The following NFAT5 variants were observed in gnomAD, a reference collection of about 807,000 sequenced individuals.
NFAT5 encodes nuclear factor of activated T-cells 5.
In NFAT5, 31 loss-of-function variants were observed where a neutral mutation model predicts 166.5. The observed-to-expected ratio is 0.19, with a 90% CI of 0.14 to 0.25. The LOEUF (loss-of-function observed/expected upper bound fraction) is 0.25, where lower values mean the gene tolerates loss of function less well. Among genes scored for constraint, NFAT5 ranks in the 10% least tolerant of loss-of-function variants. The pLI is 1.00. For missense variants in NFAT5, 1,449 were observed against 1,821.8 expected (o/e 0.80, Z 3.72); for synonymous variants, 612 against 639.7 (o/e 0.96, Z 0.65).
In NFAT5 at chr16:69,647,132, G is replaced by T. The variant is rs777969990; in HGVS notation, c.358G>T (p.Ala120Ser). 2 of 1,613,904 alleles carry T rather than the reference G, an allele frequency of 1.2e-6. No individual in the cohort carries two copies. Among genetic ancestry groups the T allele is most frequent in the East Asian group, 4.5e-5 (2 of 44,892 alleles). Residue 120 changes from alanine (A) to serine (S), a missense_variant, in exon 4 of 15, where the codon GCT becomes TCT. Ala to Ser is a moderately conservative substitution (Grantham distance 99). Coordinates refer to ENST00000349945, the MANE Select transcript of NFAT5 (RefSeq NM_138713.4). This position sits in a 1 kb window ranked among gnomAD's most constrained non-coding sequence, Gnocchi z 4.8. The stretch of plus-strand genomic sequence containing the variant: ...TTCTACCTCAGTCACCGACAGCAAG[G>T]CTATGCAAGTGGAGAGCTGCTCCTC... ...IYSTSVTDSK[A>S]MQVESCSSAV...
intron 2 of NFAT5, among the ~76,000 whole-genome samples, chr16:69,579,389 T>C (rs1454360277): frequency 2.0e-5 from 3 of 152,182 alleles, no homozygotes; most frequent in Admixed American, 6.5e-5. Flanking sequence ...TGAGAATTTA[T>C]ATGTAATATT....
At chr16:69,637,488 TACAGTTCC>T (rs2035017646) in intron 3 of NFAT5, among the ~76,000 whole-genome samples, 1 of 152,178 alleles carries the variant, frequency 6.6e-6, no homozygotes, top group Non-Finnish European at 1.5e-5. Context: ...CATTTGGACT[TACAGTTCC>T]ACATGGCTGG....
chr16:69,644,930 T>C (rs1224216851), intron 3 of NFAT5: 1 of 436,358 alleles, frequency 2.3e-6, no homozygotes, highest in African/African-American at 2.0e-5. Flanking sequence ...ACTGCAAATA[T>C]TGCATGCTGC....
chr16:69,686,822 C>T (rs2037325259), intron 11 of NFAT5, among the ~76,000 whole-genome samples: 1 of 152,122 alleles, frequency 6.6e-6, no homozygotes, highest in Non-Finnish European at 1.5e-5. Flanking sequence ...GAGATCATGC[C>T]ACTGCACTTC....
Position 69,653,436 on chromosome 16 carries a change from C to A in NFAT5, c.1005+8C>A. Reference sequence around the variant, plus strand: ...GGCTTTCCTACAGTAAAGGTATTTACTTTATTTATCATTTGAATTTTAGTT... The same window carrying A: ...GGCTTTCCTACAGTAAAGGTATTTAATTTATTTATCATTTGAATTTTAGTT... On this transcript the variant is annotated splice_region_variant and intron_variant, in intron 5 of 14. Coordinates refer to ENST00000349945, the MANE Select transcript of NFAT5 (RefSeq NM_138713.4). 1 of 1,466,816 alleles carries A rather than the reference C, an allele frequency of 6.8e-7. No individual in the cohort carries two copies. The highest frequency in any genetic ancestry group is 1.4e-5 in the South Asian group (1 of 69,980). The allele number at this position is 1,466,816 out of a possible 1,614,324, so 90.9% of individuals were successfully genotyped here.
intron 2 of NFAT5, among the ~76,000 whole-genome samples, chr16:69,598,369 C>T (rs928264321): frequency 3.2e-4 from 46 of 145,194 alleles, no homozygotes; most frequent in African/African-American, 1.2e-3. Context: ...CAGAGCGAGA[C>T]CCTGTCTCTT....
At chr16:69,649,237 A>G (rs2035571918) in intron 4 of NFAT5, 1 of 954,820 alleles carries the variant, frequency 1.0e-6, no homozygotes, top group Non-Finnish European at 1.2e-6. Context: ...TTAATTACAT[A>G]TGTGTGTTTA....
At chr16:69,696,312 A>G (rs2037765468) in intron 14 of NFAT5, 48 bp from the exon 15 acceptor site, 1 of 152,296 alleles carries the variant, frequency 6.6e-6, no homozygotes, top group Non-Finnish European at 1.5e-5. Flanking sequence ...AAACTTTATA[A>G]ATGCTTCCCT....
chr16:69,655,556 T>C (rs1220734002), intron 5 of NFAT5, 53 bp from the exon 6 acceptor site: 7 of 1,333,478 alleles, frequency 5.2e-6, no homozygotes, highest in Non-Finnish European at 7.0e-6. Context: ...ATTTTATAAT[T>C]AGATTATTTG....
Position 69,566,215 on chromosome 16 carries a change from G to C in NFAT5, c.-87G>C. 1.6e-6 allele frequency: 2 copies of C among 1,285,540 alleles called. No homozygotes were observed. The highest frequency in any genetic ancestry group is 1.1e-6 in the Non-Finnish European group (1 of 919,110). 79.6% of individuals were successfully genotyped at this position (1,285,540 alleles called of 1,614,324 possible). A position where few individuals can be genotyped will look rare whatever the true frequency, so the allele number is the denominator to read the frequency against. On this transcript the variant is annotated 5_prime_UTR_variant, in exon 1 of 15. Transcript: ENST00000349945. The surrounding 1 kb of genome is among the most constrained non-coding windows in gnomAD (Gnocchi z 5.7). ...GCCCTCGCGTCGCCGCCCCCGGTTC[G>C]GTGCCCGCGGTCCCGGAGAGGAGGT...
chr16:69,611,830 T>C (rs1038437314), intron 2 of NFAT5, among the ~76,000 whole-genome samples: 1 of 152,182 alleles, frequency 6.6e-6, no homozygotes, highest in African/African-American at 2.4e-5. Flanking sequence ...ACTCAGACTA[T>C]AGCACCAGAC....
At chr16:69,667,978 T>C (rs1006269674) in intron 7 of NFAT5, among the ~76,000 whole-genome samples, 1 of 152,166 alleles carries the variant, frequency 6.6e-6, no homozygotes, top group Non-Finnish European at 1.5e-5. Flanking sequence ...TGTTTGTTTC[T>C]TTTTTTAGAC....
intron 4 of NFAT5, among the ~76,000 whole-genome samples, chr16:69,652,888 G>A (rs1340288317): frequency 6.6e-6 from 1 of 152,086 alleles, no homozygotes; most frequent in Non-Finnish European, 1.5e-5. Context: ...TTTGACTGAA[G>A]TACAATGTTA....
chr16:69,598,364 C>T (rs981086961), intron 2 of NFAT5, among the ~76,000 whole-genome samples: 1 of 136,016 alleles, frequency 7.4e-6, no homozygotes, highest in Admixed American at 8.1e-5. Context: ...GGTGACAGAG[C>T]GAGACCCTGT....
chr16:69,685,147 T>C (rs2037235774), intron 11 of NFAT5, 177 bp downstream of exon 11: 2 of 254,350 alleles, frequency 7.9e-6, no homozygotes, highest in African/African-American at 2.3e-5. Flanking sequence ...TCCAATTTGA[T>C]ATTTTTCTTG....
chr16:69,640,561 A>C (rs2035160710), intron 3 of NFAT5, among the ~76,000 whole-genome samples: 1 of 152,206 alleles, frequency 6.6e-6, no homozygotes. Flanking sequence ...CTTTAATCTG[A>C]AAATATGTCC....
chr16:69,646,646 T>C (rs2035449575), intron 3 of NFAT5: 3 of 541,916 alleles, frequency 5.5e-6, no homozygotes, highest in Non-Finnish European at 8.0e-6. Context: ...TAATGAATTA[T>C]TTAATTGGCA....
Position 69,689,593 on chromosome 16 carries a change from C to T in NFAT5, c.1775-1347C>T, listed in dbSNP as rs192779082. ...CAGTCTTGCTCCGTTGCCCAGCCTG[C>T]AGTACAGTAGAGCGATCTCAGCTCA... On this transcript the variant is annotated intron_variant, in intron 11 of 14. Transcript: ENST00000349945. Among the ~76,000 whole-genome samples the T allele has an allele frequency of 2.0e-5, 3 of 152,302 alleles. No homozygotes were observed. In the East Asian group the frequency reaches 5.8e-4, roughly 29 times the overall value.
At chr16:69,620,177 C>G (rs1041535052) in intron 2 of NFAT5, among the ~76,000 whole-genome samples, 1 of 152,152 alleles carries the variant, frequency 6.6e-6, no homozygotes, top group South Asian at 2.1e-4. Context: ...GCCCTGGGCT[C>G]TATGAGAATG....
Sources: allele counts gnomAD v4.1 joint callset (sites outside exome capture counted in the v4.1 genomes callset), GRCh38; gene constraint gnomAD v4.1.1; non-coding constraint Gnocchi (gnomAD v3.1); transcripts MANE v1.5; gene names NCBI Gene and HGNC (gene_info 2026-07-23, HGNC 2026-07-21).